The following CNNM1 variants were observed in gnomAD, a reference collection of about 807,000 sequenced individuals.
The protein encoded by CNNM1 is cyclin and CBS domain divalent metal cation transport mediator 1, also known as metal transporter CNNM1.
Under a neutral mutation model 78.8 loss-of-function variants are expected in CNNM1, and 44 were observed. The observed-to-expected ratio is 0.56, with a 90% CI of 0.44 to 0.72. CNNM1 has a LOEUF of 0.72. CNNM1 is among the 30% of genes least tolerant of loss of function. The probability of loss-of-function intolerance (pLI) is 0.00; values close to 1 mark genes in which losing one functional copy is unlikely to be tolerated. For synonymous variants in CNNM1, 584 were observed against 581.5 expected, an observed-to-expected ratio of 1.00 and a Z score of -0.06; for missense variants, 1,101 against 1,292.2, an observed-to-expected ratio of 0.85 and a Z score of 2.27.
chr10:99,336,621 G>C (rs141467485), intron 1 of CNNM1, among the ~76,000 whole-genome samples: 6 of 152,202 alleles, frequency 3.9e-5, no homozygotes, highest in African/African-American at 1.4e-4. Context: ...TCTCTATAGA[G>C]CTTCACTCTA....
At chr10:99,384,144 T>C (rs2032239245) in intron 7 of CNNM1, among the ~76,000 whole-genome samples, 1 of 152,224 alleles carries the variant, frequency 6.6e-6, no homozygotes, top group African/African-American at 2.4e-5. Flanking sequence ...GTTACATTTC[T>C]CTTCAACAGT....
intron 2 of CNNM1, among the ~76,000 whole-genome samples, 157 bp from the exon 3 acceptor site, chr10:99,360,678 C>A (rs2031398190): frequency 6.6e-6 from 1 of 152,098 alleles, no homozygotes; most frequent in Non-Finnish European, 1.5e-5. Flanking sequence ...CATTGTCTAT[C>A]CCTCACCAAC....
intron 2 of CNNM1, among the ~76,000 whole-genome samples, chr10:99,359,270 T>C (rs1300341857): frequency 6.6e-6 from 1 of 152,054 alleles, no homozygotes; most frequent in Non-Finnish European, 1.5e-5. Flanking sequence ...GGCAAACTTA[T>C]CATACAAATC....
In CNNM1 at chr10:99,330,409, TCTGC is replaced by T. The variant is rs781404422; in HGVS notation, c.1024_1027del (p.Cys342ProfsTer19). On this transcript the variant is annotated frameshift_variant, in exon 1 of 11. Transcript: ENST00000356713. LOFTEE classifies it high-confidence loss of function. Reference sequence around the variant, plus strand: ...GGCGCGGTATTCCTGGGCGCCGAAATCTGCCCCTACTCAGTGTGTTCGCGGCACG... The same window carrying T: ...GGCGCGGTATTCCTGGGCGCCGAAATCCCTACTCAGTGTGTTCGCGGCACG... The T allele has an allele frequency of 4.4e-6, 7 of 1,593,124 alleles. No individual in the cohort carries two copies. In the African/African-American group the frequency reaches 9.4e-5, roughly 21 times the overall value.
intron 6 of CNNM1, among the ~76,000 whole-genome samples, chr10:99,371,308 G>T (rs373790381): frequency 5.3e-5 from 8 of 152,290 alleles, no homozygotes; most frequent in Non-Finnish European, 8.8e-5. Flanking sequence ...AACCAACTTG[G>T]CAGGTGCTTT....
intron 7 of CNNM1, among the ~76,000 whole-genome samples, chr10:99,380,231 G>T (rs901101238): frequency 6.6e-6 from 1 of 152,076 alleles, no homozygotes; most frequent in Non-Finnish European, 1.5e-5. Context: ...CTACATTGGG[G>T]TTAGGATTTC....
chr10:99,329,816 G>A lies in CNNM1; in HGVS notation c.429G>A (p.Val143=). ...AGCAGAGCGACTGGGCATCGGACGTGGAAGTCCTGGGGCCCTTGCGTCCCG... is the reference window on the plus strand; with the variant it reads ...AGCAGAGCGACTGGGCATCGGACGTAGAAGTCCTGGGGCCCTTGCGTCCCG... ...CREQSDWASD[V]EVLGPLRPGG... The change falls in exon 1 of 11, where the codon GTG becomes GTA. Residue 143 remains valine, a synonymous_variant. Coordinates refer to ENST00000356713, the MANE Select transcript of CNNM1 (RefSeq NM_020348.3). 6.9e-7 allele frequency: 1 copy of A among 1,457,224 alleles called. No homozygotes were observed. The highest frequency in any genetic ancestry group is 1.5e-5 in the African/African-American group (1 of 67,618). The allele number at this position is 1,457,224 out of a possible 1,614,324, so 90.3% of individuals were successfully genotyped here. A position where few individuals can be genotyped will look rare whatever the true frequency, so the allele number is the denominator to read the frequency against.
chr10:99,340,971 A>G (rs1389638149), intron 1 of CNNM1, among the ~76,000 whole-genome samples: 1 of 151,878 alleles, frequency 6.6e-6, no homozygotes, highest in Non-Finnish European at 1.5e-5. Flanking sequence ...AGTGTGGACA[A>G]GACAGACACC....
At chr10:99,333,727 C>T (rs890026910) in intron 1 of CNNM1, among the ~76,000 whole-genome samples, 2 of 152,192 alleles carry the variant, frequency 1.3e-5, no homozygotes, top group Non-Finnish European at 2.9e-5. Context: ...TAGCAATATA[C>T]AGGGCATAAT....
At position 99,391,443 on chromosome 10, in the gene CNNM1, A is replaced by C. The variant is rs758620456; in HGVS notation, c.2783A>C (p.Gln928Pro). ...TGCAACTTGTTTTTTTCAGGTGGCCAAAAAAGGAAGAGGTCACCAGAAGGA... is the reference window on the plus strand; with the variant it reads ...TGCAACTTGTTTTTTTCAGGTGGCCCAAAAAGGAAGAGGTCACCAGAAGGA... ...GKKLLRTLSG[Q>P]KRKRSPEGER... is the part of the protein sequence containing the mutation. The change falls in exon 11 of 11, where the codon CAA becomes CCA. Residue 928 changes from glutamine (Q) to proline (P), a missense_variant. Gln to Pro is a moderately conservative substitution (Grantham distance 76). Coordinates refer to ENST00000356713, the MANE Select transcript of CNNM1 (RefSeq NM_020348.3). 10 of 1,611,896 alleles carry C rather than the reference A, an allele frequency of 6.2e-6. No individual in the cohort carries two copies. The highest frequency in any genetic ancestry group is 8.5e-6 in the Non-Finnish European group (10 of 1,178,480).
At position 99,387,843 on chromosome 10, in the gene CNNM1, C is replaced by T. The variant is rs113112276; in HGVS notation, c.2364C>T (p.Asn788=). 337 of 1,607,494 alleles carry T rather than the reference C, an allele frequency of 2.1e-4. No homozygotes were observed. In the African/African-American group the frequency reaches 2.5e-3, roughly 12 times the overall value. Residue 788 remains asparagine (N), a synonymous_variant, in exon 8 of 11, where the codon AAC becomes AAT. Transcript: ENST00000356713. ...AGATCACACGGCAGCAATATCAGAA[C>T]GCACTCACTGCCTGCCACATGGACA... ...FVKITRQQYQ[N]ALTACHMDSS...
chr10:99,387,070 C>T (rs1223777746), intron 7 of CNNM1, among the ~76,000 whole-genome samples: 2 of 152,198 alleles, frequency 1.3e-5, no homozygotes, highest in Non-Finnish European at 2.9e-5. Context: ...TTCACAGTGC[C>T]AGTCTGTTAT....
chr10:99,380,051 T>TCTCA (rs2032093460), intron 7 of CNNM1, among the ~76,000 whole-genome samples: 3 of 137,984 alleles, frequency 2.2e-5, no homozygotes, highest in Admixed American at 7.7e-5. Context: ...TGAGACAGGG[T>TCTCA]CTCACTGGGT....
At chr10:99,384,427 G>A (rs944719184) in intron 7 of CNNM1, among the ~76,000 whole-genome samples, 1 of 152,110 alleles carries the variant, frequency 6.6e-6, no homozygotes, top group South Asian at 2.1e-4. Flanking sequence ...TTAGCCATTG[G>A]GTGGTACCTT....
chr10:99,374,395 T>C (rs2031902470), intron 6 of CNNM1, among the ~76,000 whole-genome samples: 1 of 152,202 alleles, frequency 6.6e-6, no homozygotes, highest in South Asian at 2.1e-4. Context: ...TGCTGCTCCA[T>C]GTGGCCTCTT....
At chr10:99,356,558 C>CAGAAAGAAAGAAAGAAAAGAA (rs1355245134) in intron 1 of CNNM1, among the ~76,000 whole-genome samples, 2 of 45,750 alleles carry the variant, frequency 4.4e-5, no homozygotes, top group Non-Finnish European at 1.4e-4. Flanking sequence ...GACAGACAGA[C>CAGAAAGAAAGAAAGAAAAGAA]AGACAGAAAG....
At chr10:99,361,264 C>T (rs370825725) in intron 3 of CNNM1, among the ~76,000 whole-genome samples, 93 of 152,350 alleles carry the variant, frequency 6.1e-4, no homozygotes, top group African/African-American at 2.2e-3. Flanking sequence ...CTCACTTCCT[C>T]GCTGAAGCCC....
At chr10:99,354,866 C>G (rs1239407729) in intron 1 of CNNM1, among the ~76,000 whole-genome samples, 1 of 152,024 alleles carries the variant, frequency 6.6e-6, no homozygotes, top group South Asian at 2.1e-4. Context: ...AACTAATGAG[C>G]CTGGACTTGA....
At position 99,393,669 on chromosome 10, in the gene CNNM1, C is replaced by G. The variant is rs1288264574; in HGVS notation, c.*2153C>G. On this transcript the variant is annotated 3_prime_UTR_variant, in exon 11 of 11. Transcript: ENST00000356713. ...TCCATCAATTGATGGGGAAGGCTGG[C>G]ACCCACCAAGAAGTGGAAGTCCTCA... is the stretch of plus-strand genomic sequence containing the variant. The G allele has an allele frequency of 6.6e-6, 1 of 152,356 alleles. No individual in the cohort carries two copies. The highest frequency in any genetic ancestry group is 1.5e-5 in the Non-Finnish European group (1 of 68,050). The allele number at this position is 152,356 out of a possible 1,614,324, so 9.4% of individuals were successfully genotyped here.
Sources: allele counts gnomAD v4.1 joint callset (sites outside exome capture counted in the v4.1 genomes callset), GRCh38; gene constraint gnomAD v4.1.1; transcripts MANE v1.5; gene names NCBI Gene and HGNC (gene_info 2026-07-23, HGNC 2026-07-21).